The following COL22A1 variants were observed in gnomAD, a reference collection of about 807,000 sequenced individuals.
The protein encoded by COL22A1 is collagen alpha-1(XXII) chain.
Under a neutral mutation model 248.9 loss-of-function variants are expected in COL22A1, and 221 were observed. The observed-to-expected ratio is 0.89, with a 90% confidence interval of 0.80 to 0.99. COL22A1 has a LOEUF of 0.99. Ranked by LOEUF, COL22A1 falls within the 50% of genes least tolerant of loss-of-function variation. The probability of loss-of-function intolerance (pLI) is 0.00; values close to 1 mark genes in which losing one functional copy is unlikely to be tolerated. For synonymous variants in COL22A1, 891 were observed against 793.4 expected, an observed-to-expected ratio of 1.12 and a Z score of -2.07; for missense variants, 2,240 against 2,179.0, an observed-to-expected ratio of 1.03 and a Z score of -0.56.
chr8:138,606,367 G>A lies in COL22A1; in HGVS notation c.4104+14C>T. ...AGCCAGGTATCTTGGGCCCCACTGG[G>A]GTTCTCTGCTTACCGGAGGCCCACG... On this transcript the variant is annotated intron_variant, in intron 58 of 64. Coordinates refer to ENST00000303045, the MANE Select transcript of COL22A1 (RefSeq NM_152888.3). 6.2e-7 allele frequency: 1 copy of A among 1,609,292 alleles called. No individual in the cohort carries two copies. The highest frequency in any genetic ancestry group is 1.3e-5 in the African/African-American group (1 of 74,980).
At chr8:138,650,787 A>G (rs992998559) in intron 45 of COL22A1, among the ~76,000 whole-genome samples, 4 of 152,138 alleles carry the variant, frequency 2.6e-5, no homozygotes, top group Non-Finnish European at 4.4e-5. Flanking sequence ...TTGTTAGTTT[A>G]TTTATTCACT....
intron 32 of COL22A1, among the ~76,000 whole-genome samples, chr8:138,697,227 T>C (rs1827579332): frequency 1.3e-5 from 2 of 152,060 alleles, no homozygotes; most frequent in Non-Finnish European, 2.9e-5. Context: ...TTCCATCTCC[T>C]CCCCACTGCC....
intron 3 of COL22A1, among the ~76,000 whole-genome samples, chr8:138,860,512 G>A (rs1294524028): frequency 6.6e-6 from 1 of 152,162 alleles, no homozygotes. Context: ...ACAATACAAT[G>A]AGTTCAAGAC....
intron 39 of COL22A1, 76 bp from the exon 40 acceptor site, chr8:138,679,752 TGTTA>T (rs140389566): frequency 0.18 from 239,966 of 1,309,438 alleles, 21,957 homozygotes; most frequent in African/African-American, 0.24. Context: ...TCAGCCCCTC[TGTTA>T]GGTACTGGAT....
rs531202789 is a variant in COL22A1 at position 138,786,024 on chromosome 8, A to G, written c.1597-5044T>C. 3.9e-5 allele frequency among the ~76,000 whole-genome samples: 6 copies of G among 152,104 alleles called. No homozygotes were observed. In the East Asian group the frequency reaches 9.7e-4, roughly 25 times the overall value. On this transcript the variant is annotated intron_variant, in intron 12 of 64. Transcript: ENST00000303045. The stretch of plus-strand genomic sequence containing the variant: ...AACGAGCCACAGCTTCACACTGTCC[A>G]CCTCCCACTCTCCCTGCCTCCCCAT...
At chr8:138,807,702 T>A in intron 10 of COL22A1, 66 bp downstream of exon 10, 1 of 1,479,748 alleles carries the variant, frequency 6.8e-7, no homozygotes, top group East Asian at 2.3e-5. Context: ...TCTTTTGTCT[T>A]ATATAGACAG....
chr8:138,833,079 AG>A lies in COL22A1; in HGVS notation c.804del (p.Tyr269MetfsTer75). ...LGKRENGAQS[S>X]YVRMGSFPVV... is the part of the protein sequence containing the mutation. ...ACAGGGAAGGATCCCATCCGTACAT[AG>A]GAACTCTGAGCTCCATTCTCTCTCT... On this transcript the variant is annotated frameshift_variant, in exon 5 of 65. Coordinates refer to ENST00000303045, the MANE Select transcript of COL22A1 (RefSeq NM_152888.3). LOFTEE classifies it high-confidence loss of function. 3 of 1,613,898 alleles carry A rather than the reference AG, an allele frequency of 1.9e-6. No homozygotes were observed. Among genetic ancestry groups the A allele is most frequent in the Non-Finnish European group, 2.5e-6 (3 of 1,179,730 alleles).
At chr8:138,852,213 CA>C (rs2131906624) in intron 3 of COL22A1, among the ~76,000 whole-genome samples, 1 of 151,834 alleles carries the variant, frequency 6.6e-6, no homozygotes, top group East Asian at 2.0e-4. Context: ...CACCCTGCAG[CA>C]GGGGGAGGGC....
chr8:138,801,398 G>A (rs1413129297), intron 11 of COL22A1, among the ~76,000 whole-genome samples: 1 of 152,110 alleles, frequency 6.6e-6, no homozygotes, highest in African/African-American at 2.4e-5. Flanking sequence ...TACGCATGAG[G>A]GGGCAACAAT....
chr8:138,722,127 G>T, intron 25 of COL22A1, 38 bp from the exon 26 acceptor site: 1 of 1,520,920 alleles, frequency 6.6e-7, no homozygotes, highest in Non-Finnish European at 8.9e-7. Context: ...AAAAGGAAAG[G>T]CATATTTAGG....
At chr8:138,595,246 C>T (rs1462121197) in intron 62 of COL22A1, among the ~76,000 whole-genome samples, 1 of 152,138 alleles carries the variant, frequency 6.6e-6, no homozygotes, top group Non-Finnish European at 1.5e-5. Flanking sequence ...AGGTGGTTGG[C>T]TTCTGCGACC....
At chr8:138,712,421 AG>A (rs1829048837) in intron 30 of COL22A1, among the ~76,000 whole-genome samples, 2 of 152,160 alleles carry the variant, frequency 1.3e-5, no homozygotes, top group Non-Finnish European at 2.9e-5. Flanking sequence ...CACCTTACTC[AG>A]GGTGGGACTC....
chr8:138,846,144 G>C (rs1586878408), intron 3 of COL22A1, among the ~76,000 whole-genome samples: 1 of 152,130 alleles, frequency 6.6e-6, no homozygotes, highest in South Asian at 2.1e-4. Flanking sequence ...TACAGGAATG[G>C]GTACAGGCAC....
At chr8:138,685,726 T>C (rs1406551820) in intron 37 of COL22A1, among the ~76,000 whole-genome samples, 2 of 152,254 alleles carry the variant, frequency 1.3e-5, no homozygotes, top group East Asian at 3.9e-4. Context: ...CTGGAACAAA[T>C]GCTTCCTTCA....
At chr8:138,719,840 T>G (rs1015064139) in intron 27 of COL22A1, among the ~76,000 whole-genome samples, 4 of 152,160 alleles carry the variant, frequency 2.6e-5, no homozygotes, top group African/African-American at 9.7e-5. Flanking sequence ...GGTGCAGAGT[T>G]GACTAAGACC....
In COL22A1 at chr8:138,760,329, G is replaced by C. The variant is rs775244853; in HGVS notation, c.1858-42C>G. On this transcript the variant is annotated intron_variant, in intron 17 of 64. Transcript: ENST00000303045. ...AAAGGCAGATTATGATGGGCACTAC[G>C]GATACGGTGGTGGGGTGTTGGGGAG... 11 of 1,563,774 alleles carry C rather than the reference G, an allele frequency of 7.0e-6. No homozygotes were observed. The South Asian group carries it at 1.3e-4, about 18-fold the overall frequency.
intron 43 of COL22A1, 120 bp downstream of exon 43, chr8:138,661,910 T>A: frequency 3.2e-6 from 2 of 620,100 alleles, no homozygotes; most frequent in South Asian, 5.5e-5. Flanking sequence ...TTCCTGGAAA[T>A]CCTCAACCGG....
intron 25 of COL22A1, 60 bp downstream of exon 25, chr8:138,724,555 T>TC (rs112075430): frequency 8.2e-5 from 125 of 1,522,948 alleles, no homozygotes; most frequent in African/African-American, 4.8e-4. Flanking sequence ...GGCTCAGTGC[T>TC]CCCCCCAGAG....
At chr8:138,699,964 G>C in intron 32 of COL22A1, 148 bp downstream of exon 32, 3 of 763,352 alleles carry the variant, frequency 3.9e-6, no homozygotes, top group Non-Finnish European at 6.5e-6. Flanking sequence ...CCTGTTTTCA[G>C]GACAAGCCCA....
Sources: allele counts gnomAD v4.1 joint callset (sites outside exome capture counted in the v4.1 genomes callset), GRCh38; gene constraint gnomAD v4.1.1; transcripts MANE v1.5; gene names NCBI Gene and HGNC (gene_info 2026-07-23, HGNC 2026-07-21).